The following THSD4 variants were observed in gnomAD, a reference collection of about 807,000 sequenced individuals.
THSD4 encodes thrombospondin type 1 domain containing 4.
A neutral mutation model predicts 119.0 loss-of-function variants in THSD4; 69 were observed. That is an observed-to-expected ratio of 0.58 (90% CI 0.48 to 0.71). THSD4 has a LOEUF of 0.71. Among genes scored for constraint, THSD4 ranks in the 30% least tolerant of loss-of-function variants. The probability of loss-of-function intolerance (pLI) is 0.00; values close to 1 mark genes in which losing one functional copy is unlikely to be tolerated. For missense variants in THSD4, 1,393 were observed against 1,391.1 expected (o/e 1.00, Z -0.02); for synonymous variants, 524 against 540.4 (o/e 0.97, Z 0.42).
chr15:71,510,093 G>A (rs2048255472), intron 7 of THSD4, among the ~76,000 whole-genome samples: 1 of 152,222 alleles, frequency 6.6e-6, no homozygotes, highest in Admixed American at 6.5e-5. Flanking sequence ...GCTCTACTGG[G>A]GCAAGATACA....
intron 7 of THSD4, among the ~76,000 whole-genome samples, chr15:71,425,193 A>G (rs578142321): frequency 2.0e-5 from 3 of 152,264 alleles, no homozygotes; most frequent in South Asian, 4.1e-4. Context: ...GATTTTGTTC[A>G]TTTATCTTTA....
chr15:71,467,152 T>C (rs934384054), intron 7 of THSD4, among the ~76,000 whole-genome samples: 2 of 152,196 alleles, frequency 1.3e-5, no homozygotes, highest in African/African-American at 4.8e-5. Context: ...TCTCCCCAAA[T>C]CTATTTTCCA....
intron 8 of THSD4, among the ~76,000 whole-genome samples, chr15:71,712,741 T>C (rs1024463796): frequency 6.6e-6 from 1 of 152,212 alleles, no homozygotes; most frequent in Non-Finnish European, 1.5e-5. Context: ...AATGGAATAC[T>C]ACTCCAGCAA....
chr15:71,608,283 C>CACAG (rs1413611953), intron 7 of THSD4, among the ~76,000 whole-genome samples: 1 of 142,548 alleles, frequency 7.0e-6, no homozygotes, highest in African/African-American at 2.5e-5. Flanking sequence ...CACACACACA[C>CACAG]TCATTGTAGA....
chr15:71,606,257 T>C (rs2050107737), intron 7 of THSD4, among the ~76,000 whole-genome samples: 2 of 152,350 alleles, frequency 1.3e-5, no homozygotes, highest in South Asian at 2.1e-4. Context: ...AAGACAAAGG[T>C]GATTCCTCCA....
Position 71,215,147 on chromosome 15 carries a change from G to T in THSD4, c.212G>T (p.Gly71Val). Residue 71 changes from glycine (G) to valine (V), a missense_variant, in exon 4 of 18, where the codon GGC becomes GTC. Gly to Val is a moderately radical substitution (Grantham distance 109). Transcript: ENST00000261862. ...PWSACSRSCSGGVMEQTRPCL... is the reference protein window; with the variant it reads ...PWSACSRSCSVGVMEQTRPCL... ...TCGGCCTGCTCGCGTAGCTGCAGCG[G>T]CGGCGTGATGGAGCAGACGCGGCCC... The T allele has an allele frequency of 7.3e-7, 1 of 1,372,636 alleles. No individual in the cohort carries two copies. The highest frequency in any genetic ancestry group is 1.5e-5 in the African/African-American group (1 of 66,014). The allele number at this position is 1,372,636 out of a possible 1,614,324, so 85.0% of individuals were successfully genotyped here. A position where few individuals can be genotyped will look rare whatever the true frequency, so the allele number is the denominator to read the frequency against.
intron 7 of THSD4, among the ~76,000 whole-genome samples, chr15:71,594,684 G>C (rs1368342038): frequency 1.3e-5 from 2 of 152,178 alleles, no homozygotes; most frequent in African/African-American, 4.8e-5. Context: ...CAGATCGCTG[G>C]TGCTCAGACC....
At chr15:71,127,610 A>G (rs1295866541) in intron 1 of THSD4, among the ~76,000 whole-genome samples, 2 of 152,214 alleles carry the variant, frequency 1.3e-5, no homozygotes, top group Non-Finnish European at 2.9e-5. Context: ...AGCCATTCTG[A>G]CAGGTGTGAG....
intron 3 of THSD4, among the ~76,000 whole-genome samples, chr15:71,164,066 G>C (rs1471107950): frequency 2.0e-5 from 3 of 151,914 alleles, no homozygotes; most frequent in Non-Finnish European, 2.9e-5. Context: ...GTAAATGTAA[G>C]TGGGCTATGT....
At chr15:71,367,902 A>G (rs1308966358) in intron 6 of THSD4, among the ~76,000 whole-genome samples, 2 of 152,236 alleles carry the variant, frequency 1.3e-5, no homozygotes, top group Admixed American at 6.5e-5. Flanking sequence ...TCCCACCAAC[A>G]GTGTAAAAGT....
chr15:71,590,712 G>A (rs1052991302), intron 7 of THSD4, among the ~76,000 whole-genome samples: 5 of 152,118 alleles, frequency 3.3e-5, no homozygotes, highest in Non-Finnish European at 7.3e-5. Context: ...GAACTTAAGA[G>A]CTGAAGAAGG....
intron 6 of THSD4, among the ~76,000 whole-genome samples, chr15:71,406,851 T>G (rs1297379107): frequency 1.3e-5 from 2 of 151,770 alleles, no homozygotes; most frequent in African/African-American, 2.4e-5. Flanking sequence ...GGCTAATTTT[T>G]GTATTTTTTT....
At chr15:71,409,886 G>GTTTTT (rs35006832) in intron 6 of THSD4, among the ~76,000 whole-genome samples, 2 of 148,880 alleles carry the variant, frequency 1.3e-5, no homozygotes, top group African/African-American at 2.5e-5. Flanking sequence ...CTCCAAAACA[G>GTTTTT]TTTTTTTTTT....
intron 6 of THSD4, among the ~76,000 whole-genome samples, chr15:71,283,442 CTG>C (rs2044680147): frequency 6.6e-6 from 1 of 152,124 alleles, no homozygotes; most frequent in Admixed American, 6.5e-5. Context: ...CTTAAGTAGT[CTG>C]TAGTATTTTT....
chr15:71,458,424 T>G (rs991051), intron 7 of THSD4, among the ~76,000 whole-genome samples: 33,865 of 152,148 alleles, frequency 0.22, 4,661 homozygotes, highest in Middle Eastern at 0.33. Flanking sequence ...AACTTTAGTG[T>G]GCTTATCTCT....
chr15:71,193,119 C>T (rs551192451), intron 3 of THSD4, among the ~76,000 whole-genome samples: 4 of 152,230 alleles, frequency 2.6e-5, no homozygotes, highest in African/African-American at 9.6e-5. Flanking sequence ...GCTCTTCATT[C>T]CTGCTTTTGA....
At chr15:71,347,169 C>G (rs534849217) in intron 6 of THSD4, among the ~76,000 whole-genome samples, 5 of 151,972 alleles carry the variant, frequency 3.3e-5, no homozygotes, top group African/African-American at 1.2e-4. Flanking sequence ...CCACCGTGCC[C>G]GGCTCATTCT....
In THSD4 at chr15:71,746,858, C is replaced by G. The variant is rs1401758521; in HGVS notation, c.2057C>G (p.Ser686Cys). 1.2e-6 allele frequency: 2 copies of G among 1,614,054 alleles called. No homozygotes were observed. Among genetic ancestry groups the G allele is most frequent in the Non-Finnish European group, 1.7e-6 (2 of 1,180,038 alleles). The change falls in exon 13 of 18, where the codon TCT becomes TGT. Residue 686 changes from serine to cysteine, a missense_variant. Transcript: ENST00000261862. ...CPAFWDIGEW[S>C]ECSKTCGLGM... is the part of the protein sequence containing the mutation. ...ACCAGCTGGGACATCGGGGAGTGGT[C>G]TGAGTGCAGCAAGACCTGTGGCCTG...
At chr15:71,292,281 G>A (rs997954696) in intron 6 of THSD4, among the ~76,000 whole-genome samples, 1 of 152,054 alleles carries the variant, frequency 6.6e-6, no homozygotes, top group Non-Finnish European at 1.5e-5. Context: ...GAGGTATCTC[G>A]GGGAGGGCCT....
Sources: gnomAD v4.1 joint callset for allele counts (sites outside exome capture counted in the v4.1 genomes callset) on GRCh38, gnomAD v4.1.1 for gene constraint, MANE v1.5 for transcripts, NCBI Gene and HGNC (gene_info 2026-07-23, HGNC 2026-07-21) for gene names.